HS3ST4: variants seen among roughly 807,000 people sequenced by gnomAD.
HS3ST4 encodes heparan sulfate-glucosamine 3-sulfotransferase 4, also known as heparan sulfate glucosamine 3-O-sulfotransferase 4.
HS3ST4 carries 17 observed loss-of-function variants against 29.2 expected under a neutral mutation model. The observed-to-expected ratio is 0.58, with a 90% CI of 0.40 to 0.87. The LOEUF (loss-of-function observed/expected upper bound fraction) is 0.87. Among genes scored for constraint, HS3ST4 ranks in the 40% least tolerant of loss-of-function variants. HS3ST4 has a pLI of 0.00. For synonymous variants in HS3ST4, 314 were observed against 285.7 expected (o/e 1.10, Z -1.00); for missense variants, 627 against 634.5 (o/e 0.99, Z 0.13).
intron 1 of HS3ST4, among the ~76,000 whole-genome samples, chr16:25,720,565 T>C (rs533297722): frequency 6.6e-6 from 1 of 152,318 alleles, no homozygotes; most frequent in Non-Finnish European, 1.5e-5. Context: ...CTTCCTGCTC[T>C]AAGGCTCCTT....
At chr16:25,945,764 G>T (rs942266888) in intron 1 of HS3ST4, among the ~76,000 whole-genome samples, 7 of 152,158 alleles carry the variant, frequency 4.6e-5, no homozygotes, top group African/African-American at 1.7e-4. Flanking sequence ...CCAAAACTCA[G>T]TTTCTCCATG....
chr16:26,090,295 G>A (rs1168642020), intron 1 of HS3ST4, among the ~76,000 whole-genome samples: 3 of 151,880 alleles, frequency 2.0e-5, no homozygotes, highest in East Asian at 2.0e-4. Flanking sequence ...GGCAGATCAC[G>A]TGAAATCTCT....
intron 1 of HS3ST4, among the ~76,000 whole-genome samples, chr16:25,780,186 G>A (rs1000668157): frequency 1.3e-5 from 2 of 152,234 alleles, no homozygotes; most frequent in African/African-American, 2.4e-5. Flanking sequence ...CCTGCCTCTG[G>A]GCCCTGGCTC....
At chr16:26,049,952 C>T (rs1018621364) in intron 1 of HS3ST4, among the ~76,000 whole-genome samples, 9 of 152,130 alleles carry the variant, frequency 5.9e-5, no homozygotes, top group African/African-American at 2.4e-5. Flanking sequence ...CTGGGTGCAC[C>T]GTCCTCCAGG....
intron 1 of HS3ST4, among the ~76,000 whole-genome samples, chr16:26,094,621 A>G (rs1343614463): frequency 2.0e-5 from 3 of 152,216 alleles, no homozygotes; most frequent in Non-Finnish European, 4.4e-5. Flanking sequence ...GAAGCACTGA[A>G]CATGGAAAGA....
intron 1 of HS3ST4, among the ~76,000 whole-genome samples, chr16:25,802,662 G>A (rs1187751279): frequency 6.6e-6 from 1 of 152,024 alleles, no homozygotes; most frequent in Non-Finnish European, 1.5e-5. Flanking sequence ...TACATTTGTA[G>A]ATTACTGTTT....
At position 26,136,350 on chromosome 16, in the gene HS3ST4, G is replaced by A. The variant is rs1596694834; in HGVS notation, c.*102G>A. 1 of 1,106,948 alleles carries A rather than the reference G, an allele frequency of 9.0e-7. No individual in the cohort carries two copies. Among genetic ancestry groups the A allele is most frequent in the East Asian group, 2.6e-5 (1 of 39,114 alleles). 68.6% of individuals were successfully genotyped at this position (1,106,948 alleles called of 1,614,324 possible). On this transcript the variant is annotated 3_prime_UTR_variant, in exon 2 of 2. Transcript: ENST00000331351. The stretch of plus-strand genomic sequence containing the variant: ...GCAGCTTCACTTGCTGGAGTGCCAA[G>A]TAGATCTCCTCCTCCTTCATGCAGC...
At chr16:25,694,783 A>G (rs1474045270) in intron 1 of HS3ST4, among the ~76,000 whole-genome samples, 2 of 151,502 alleles carry the variant, frequency 1.3e-5, no homozygotes, top group Non-Finnish European at 2.9e-5. Context: ...TTTTTTTCCA[A>G]TTCTAATTTT....
At chr16:25,959,672 A>G (rs1968774310) in intron 1 of HS3ST4, among the ~76,000 whole-genome samples, 1 of 152,164 alleles carries the variant, frequency 6.6e-6, no homozygotes, top group African/African-American at 2.4e-5. Flanking sequence ...GGGTATCTAG[A>G]CTAGGTATGA....
chr16:26,011,722 G>GTGT (rs149776011), intron 1 of HS3ST4, among the ~76,000 whole-genome samples: 5 of 150,048 alleles, frequency 3.3e-5, no homozygotes, highest in Admixed American at 2.0e-4. Context: ...GACAGAGAGA[G>GTGT]GTGTGTGTGT....
intron 1 of HS3ST4, among the ~76,000 whole-genome samples, chr16:26,052,989 T>G (rs1380147831): frequency 6.6e-6 from 1 of 152,246 alleles, no homozygotes; most frequent in African/African-American, 2.4e-5. Context: ...TTCAGACAAT[T>G]CCATGAAGTT....
At chr16:25,751,731 A>G (rs2141602125) in intron 1 of HS3ST4, among the ~76,000 whole-genome samples, 1 of 152,288 alleles carries the variant, frequency 6.6e-6, no homozygotes, top group East Asian at 1.9e-4. Flanking sequence ...GCAGGATTAG[A>G]TTTAAATCTA....
intron 1 of HS3ST4, among the ~76,000 whole-genome samples, chr16:26,077,553 C>T (rs1464889964): frequency 2.0e-5 from 3 of 152,188 alleles, no homozygotes; most frequent in East Asian, 3.9e-4. Context: ...ACATGTTACA[C>T]GTTTATTTGT....
intron 1 of HS3ST4, among the ~76,000 whole-genome samples, chr16:25,906,748 C>T (rs539536091): frequency 6.6e-6 from 1 of 152,108 alleles, no homozygotes; most frequent in East Asian, 1.9e-4. Context: ...TGTGAAAATA[C>T]AAGACATGTA....
At chr16:25,948,666 T>C (rs1968654371) in intron 1 of HS3ST4, among the ~76,000 whole-genome samples, 1 of 152,200 alleles carries the variant, frequency 6.6e-6, no homozygotes, top group Admixed American at 6.5e-5. Context: ...AGGCATTCCG[T>C]AAATGTTCTT....
intron 1 of HS3ST4, among the ~76,000 whole-genome samples, chr16:26,066,933 A>G (rs981182706): frequency 6.6e-6 from 1 of 152,178 alleles, no homozygotes; most frequent in African/African-American, 2.4e-5. Flanking sequence ...AATTTTATGT[A>G]GTAAATAATC....
chr16:25,696,327 T>C (rs776853446), intron 1 of HS3ST4, among the ~76,000 whole-genome samples: 1 of 152,174 alleles, frequency 6.6e-6, no homozygotes, highest in Non-Finnish European at 1.5e-5. Context: ...TTCTAAGGGA[T>C]GGGACCTCGG....
At chr16:25,792,428 C>G (rs1050906329) in intron 1 of HS3ST4, among the ~76,000 whole-genome samples, 1 of 151,926 alleles carries the variant, frequency 6.6e-6, no homozygotes, top group South Asian at 2.1e-4. Flanking sequence ...GCTGTCAGGG[C>G]CTGGAAATGT....
At chr16:25,918,181 G>T (rs918667015) in intron 1 of HS3ST4, among the ~76,000 whole-genome samples, 2 of 152,114 alleles carry the variant, frequency 1.3e-5, no homozygotes, top group African/African-American at 4.8e-5. Flanking sequence ...TTTTACTGGA[G>T]AATAAAAACT....
Sources: gnomAD v4.1 joint callset for allele counts (sites outside exome capture counted in the v4.1 genomes callset) on GRCh38, gnomAD v4.1.1 for gene constraint, MANE v1.5 for transcripts, NCBI Gene and HGNC (gene_info 2026-07-23, HGNC 2026-07-21) for gene names.